Variants in GRIK1 observed in about 807,000 individuals in gnomAD.
GRIK1 encodes the protein glutamate receptor ionotropic, kainate 1.
In GRIK1, 69 loss-of-function variants were observed where a neutral mutation model predicts 105.7. That is an observed-to-expected ratio of 0.65 (90% CI 0.54 to 0.80). The LOEUF is 0.80. GRIK1 is among the 30% of genes least tolerant of loss of function. The pLI, the probability that GRIK1 is intolerant of heterozygous loss-of-function variation, is 0.00. For synonymous variants in GRIK1, 438 were observed against 431.3 expected (o/e 1.02, Z -0.19); for missense variants, 1,109 against 1,167.3 (o/e 0.95, Z 0.73).
intron 16 of GRIK1, among the ~76,000 whole-genome samples, chr21:29,542,508 G>A (rs1054995628): frequency 3.9e-5 from 6 of 152,072 alleles, no homozygotes; most frequent in African/African-American, 1.4e-4. Flanking sequence ...ATGATTCAGG[G>A]GAAAATAACA....
chr21:29,886,117 A>C (rs2069618227), intron 1 of GRIK1, among the ~76,000 whole-genome samples: 1 of 152,156 alleles, frequency 6.6e-6, no homozygotes, highest in Admixed American at 6.6e-5. Flanking sequence ...CCCAAATGAC[A>C]CAAGAGTCAA....
At chr21:29,593,343 C>T (rs2832406) in intron 9 of GRIK1, among the ~76,000 whole-genome samples, 13,499 of 152,164 alleles carry the variant, frequency 0.089, 721 homozygotes, top group Admixed American at 0.16. Context: ...ACCTAGAATG[C>T]ACATTATACG....
At chr21:29,822,383 T>C (rs1235696585) in intron 1 of GRIK1, among the ~76,000 whole-genome samples, 1 of 152,082 alleles carries the variant, frequency 6.6e-6, no homozygotes, top group Non-Finnish European at 1.5e-5. Flanking sequence ...TTCTGTCTAA[T>C]AAGCATAGCC....
chr21:29,701,269 A>G (rs1355384958), intron 1 of GRIK1, among the ~76,000 whole-genome samples: 1 of 152,234 alleles, frequency 6.6e-6, no homozygotes, highest in Non-Finnish European at 1.5e-5. Context: ...ATGAACAGGA[A>G]GACAGGCATT....
chr21:29,610,741 C>T (rs1568883295), intron 7 of GRIK1, among the ~76,000 whole-genome samples: 1 of 151,760 alleles, frequency 6.6e-6, no homozygotes. Flanking sequence ...TGTGGTAATT[C>T]ACCTAAAAAG....
chr21:29,731,174 A>T (rs890938361), intron 1 of GRIK1, among the ~76,000 whole-genome samples: 7 of 152,188 alleles, frequency 4.6e-5, no homozygotes, highest in Admixed American at 6.6e-5. Flanking sequence ...GAGCAGGAGC[A>T]CTGTCATAGT....
At chr21:29,646,848 TC>T (rs1048404194) in intron 6 of GRIK1, among the ~76,000 whole-genome samples, 2 of 149,940 alleles carry the variant, frequency 1.3e-5, no homozygotes, top group African/African-American at 5.0e-5. Context: ...GTTCTTTCTT[TC>T]CTTTTTTTTT....
chr21:29,748,432 T>C (rs2065099398), intron 1 of GRIK1: 1 of 152,196 alleles, frequency 6.6e-6, no homozygotes. Context: ...ATTTCCTGAG[T>C]AGCTTAAGAG....
At chr21:29,581,360 T>A in intron 13 of GRIK1, 65 bp downstream of exon 13, 7 of 919,312 alleles carry the variant, frequency 7.6e-6, no homozygotes, top group South Asian at 1.3e-5. Flanking sequence ...TGGTGGAGTT[T>A]ACCAGCATGA....
Position 29,555,133 on chromosome 21 carries a change from C to G in GRIK1, c.2526G>C (p.Leu842=). The G allele has an allele frequency of 1.2e-6, 2 of 1,613,628 alleles. No homozygotes were observed. Among genetic ancestry groups the G allele is most frequent in the African/African-American group, 1.3e-5 (1 of 75,004 alleles). ...VENIGGIFIV[L]AAGLVLSVFV... The stretch of plus-strand genomic sequence containing the variant: ...ATACAGAAAGGACCAGTCCGGCAGC[C>G]AGAACAATGAAGATGCCTCCAATAT... The change falls in exon 16 of 18, where the codon CTG becomes CTC. Residue 842 remains leucine (L), a synonymous_variant. Coordinates refer to ENST00000327783, the MANE Select transcript of GRIK1 (RefSeq NM_001330994.2).
intron 7 of GRIK1, among the ~76,000 whole-genome samples, chr21:29,599,878 A>C (rs2061486156): frequency 6.6e-6 from 1 of 152,216 alleles, no homozygotes; most frequent in Non-Finnish European, 1.5e-5. Context: ...AGGTGGGCGG[A>C]GATCGAGACC....
At chr21:29,778,592 C>A (rs1300989707) in intron 1 of GRIK1, among the ~76,000 whole-genome samples, 1 of 152,188 alleles carries the variant, frequency 6.6e-6, no homozygotes, top group Non-Finnish European at 1.5e-5. Flanking sequence ...TAGGATGGAA[C>A]AAATCCATCC....
intron 1 of GRIK1, among the ~76,000 whole-genome samples, chr21:29,820,059 T>A (rs2067257509): frequency 6.6e-6 from 1 of 151,772 alleles, no homozygotes; most frequent in Non-Finnish European, 1.5e-5. Context: ...AAAAAAAAAA[T>A]TAACAGCAAC....
chr21:29,710,771 C>A (rs1464160973), intron 1 of GRIK1, among the ~76,000 whole-genome samples: 1 of 29,764 alleles, frequency 3.4e-5, no homozygotes, highest in Non-Finnish European at 7.6e-5. Context: ...CTCCGTCCGT[C>A]CCTCCCTCCC....
intron 16 of GRIK1, among the ~76,000 whole-genome samples, chr21:29,543,588 C>T (rs536201630): frequency 1.3e-5 from 2 of 152,178 alleles, no homozygotes; most frequent in East Asian, 3.9e-4. Flanking sequence ...CTTTTATGCA[C>T]CCATCCTTGG....
At chr21:29,566,260 G>C (rs568849844) in intron 14 of GRIK1, among the ~76,000 whole-genome samples, 90 of 152,224 alleles carry the variant, frequency 5.9e-4, no homozygotes, top group Non-Finnish European at 1.1e-3. Flanking sequence ...AGAAATAGTG[G>C]TTGCCTCTTA....
chr21:29,673,387 A>T (rs1400201921), intron 3 of GRIK1, among the ~76,000 whole-genome samples: 1 of 152,094 alleles, frequency 6.6e-6, no homozygotes, highest in Non-Finnish European at 1.5e-5. Flanking sequence ...TCCCAGGAGC[A>T]TTTTAAATTT....
chr21:29,695,539 A>T (rs1283765415), intron 1 of GRIK1, among the ~76,000 whole-genome samples: 1 of 151,606 alleles, frequency 6.6e-6, no homozygotes, highest in Non-Finnish European at 1.5e-5. Flanking sequence ...CAGTGGTGCA[A>T]TCTTGGCTCA....
chr21:29,615,895 C>G (rs1188538545), intron 7 of GRIK1, among the ~76,000 whole-genome samples: 14 of 152,186 alleles, frequency 9.2e-5, no homozygotes, highest in Admixed American at 8.5e-4. Flanking sequence ...TTCAGTGACT[C>G]TGGGAAAATC....
Sources: gnomAD v4.1 joint callset for allele counts (sites outside exome capture counted in the v4.1 genomes callset) on GRCh38, gnomAD v4.1.1 for gene constraint, MANE v1.5 for transcripts, NCBI Gene and HGNC (gene_info 2026-07-23, HGNC 2026-07-21) for gene names.